SHPK: variants seen among roughly 807,000 people sequenced by gnomAD.
SHPK encodes sedoheptulokinase.
A neutral mutation model predicts 46.3 loss-of-function variants in SHPK; 51 were observed. The ratio of observed to expected loss-of-function variants is 1.10; its 90% CI spans 0.88 to 1.39. The LOEUF (loss-of-function observed/expected upper bound fraction) is 1.39, where lower values mean the gene tolerates loss of function less well. Among genes scored for constraint, SHPK ranks in the 40% most tolerant of loss-of-function variants. SHPK has a pLI of 0.00. For missense variants in SHPK, 668 were observed against 641.3 expected, an observed-to-expected ratio of 1.04 and a Z score of -0.45; for synonymous variants, 290 against 273.9, an observed-to-expected ratio of 1.06 and a Z score of -0.58.
Position 3,615,509 on chromosome 17 carries a change from C to A in SHPK, c.852G>T (p.Leu284=). The stretch of plus-strand genomic sequence containing the variant: ...GGAATCCTGAAGGCATGGAGGCTGC[C>A]AGCTGAACCGAGGTGCTGATGTTGA... The part of the protein sequence containing the change: ...AVLNISTSVQ[L]AASMPSGFQP... Residue 284 remains leucine (L), a synonymous_variant, in exon 6 of 7, where the codon CTG becomes CTT. Coordinates refer to ENST00000225519, the MANE Select transcript of SHPK (RefSeq NM_013276.4). The A allele has an allele frequency of 6.2e-7, 1 of 1,614,192 alleles. No homozygotes were observed. Among genetic ancestry groups the A allele is most frequent in the Non-Finnish European group, 8.5e-7 (1 of 1,180,026 alleles).
At chr17:3,626,721 CA>C (rs59861502) in intron 2 of SHPK, among the ~76,000 whole-genome samples, 10,370 of 106,748 alleles carry the variant, frequency 0.097, 1,243 homozygotes, top group African/African-American at 0.33. Context: ...GACTCCATCT[CA>C]AAAAAAAAAA....
At position 3,610,593 on chromosome 17, in the gene SHPK, C is replaced by T. The variant is rs1374912778; in HGVS notation, c.1404G>A (p.Met468Ile). The change falls in exon 7 of 7, where the codon ATG becomes ATA. Residue 468 changes from methionine (M) to isoleucine (I), a missense_variant. Met to Ile is a conservative substitution (Grantham distance 10, BLOSUM62 1). Coordinates refer to ENST00000225519, the MANE Select transcript of SHPK (RefSeq NM_013276.4). ...VDAAVGAALVMLRRHLNQKES is the reference protein window; with the variant it reads ...VDAAVGAALVILRRHLNQKES ...CCTTCTGGTTGAGGTGTCTCCGGAG[C>T]ATGACCAGAGCTGCCCCGACAGCTG... 1 of 1,609,906 alleles carries T rather than the reference C, an allele frequency of 6.2e-7. No homozygotes were observed. The highest frequency in any genetic ancestry group is 8.5e-7 in the Non-Finnish European group (1 of 1,176,710).
chr17:3,611,139 C>T (rs2075337343), intron 6 of SHPK, among the ~76,000 whole-genome samples, 167 bp from the exon 7 acceptor site: 1 of 152,226 alleles, frequency 6.6e-6, no homozygotes, highest in Admixed American at 6.5e-5. Flanking sequence ...TAGCTACACT[C>T]TGCCCTGGAT....
rs776781800 is a variant in SHPK at position 3,621,412 on chromosome 17, T to C, written c.648A>G (p.Thr216=). The C allele has an allele frequency of 3.1e-6, 5 of 1,613,232 alleles. No homozygotes were observed. The highest frequency in any genetic ancestry group is 4.2e-6 in the Non-Finnish European group (5 of 1,179,608). Residue 216 remains threonine (T), a splice_region_variant and synonymous_variant, in exon 5 of 7, where the codon ACA becomes ACG. Transcript: ENST00000225519. The part of the protein sequence containing the change: ...NTQSQSWNVE[T]LRSSGFPVHL... ...GGACAGGAAAACCCGAGCTCCTCAG[T>C]CTGTAAAACAGAAGTGGACACCCAC...
chr17:3,628,648 G>A (rs773651831), intron 2 of SHPK, among the ~76,000 whole-genome samples: 8 of 151,744 alleles, frequency 5.3e-5, no homozygotes, highest in Non-Finnish European at 1.0e-4. Context: ...AGTTTGATTT[G>A]TTGTTGTCGT....
Position 3,624,091 on chromosome 17 carries a change from TG to T in SHPK, c.450del (p.Thr151ArgfsTer12), listed in dbSNP as rs2075418635. 11 of 1,613,948 alleles carry T rather than the reference TG, an allele frequency of 6.8e-6. No homozygotes were observed. In the East Asian group the frequency reaches 2.5e-4, roughly 36 times the overall value. Reference sequence around the variant, plus strand: ...AAGATGGTTGCACAGCCGAAGCCCGTGGCCACACTGAGATGAGACTTCGGCT... The same window carrying T: ...AAGATGGTTGCACAGCCGAAGCCCGTGCCACACTGAGATGAGACTTCGGCT... ...LPQPKSHLSV[A>X]TGFGCATIFW... On this transcript the variant is annotated frameshift_variant, in exon 3 of 7. Coordinates refer to ENST00000225519, the MANE Select transcript of SHPK (RefSeq NM_013276.4). LOFTEE classifies it high-confidence loss of function.
chr17:3,636,036 CG>C lies in SHPK; in HGVS notation c.168+15del. 3.9e-6 allele frequency: 6 copies of C among 1,530,912 alleles called. No homozygotes were observed. Among genetic ancestry groups the C allele is most frequent in the Non-Finnish European group, 4.4e-6 (5 of 1,143,800 alleles). The allele number at this position is 1,530,912 out of a possible 1,614,324, so 94.8% of individuals were successfully genotyped here. A position where few individuals can be genotyped will look rare whatever the true frequency, so the allele number is the denominator to read the frequency against. On this transcript the variant is annotated intron_variant, in intron 1 of 6. Coordinates refer to ENST00000225519, the MANE Select transcript of SHPK (RefSeq NM_013276.4). ...GAGGCTCCTGGAGGCGGCGCGGCCC[CG>C]GGGGTCCAACTCACCTGGGGCCCGG...
At chr17:3,628,469 C>T (rs1014220901) in intron 2 of SHPK, among the ~76,000 whole-genome samples, 3 of 151,222 alleles carry the variant, frequency 2.0e-5, no homozygotes, top group Non-Finnish European at 4.4e-5. Flanking sequence ...ATTATAGGCA[C>T]ACACCACCAC....
In SHPK at chr17:3,610,240, G is replaced by A; in HGVS notation, c.*320C>T. On this transcript the variant is annotated 3_prime_UTR_variant, in exon 7 of 7. Coordinates refer to ENST00000225519, the MANE Select transcript of SHPK (RefSeq NM_013276.4). ...CACATTGATCTGCTCTCTGTCTACA[G>A]GTGAACCACAGATGAGCCTGCTGAC... The A allele has an allele frequency of 3.3e-6, 1 of 299,672 alleles. No homozygotes were observed. Among genetic ancestry groups the A allele is most frequent in the Non-Finnish European group, 6.4e-6 (1 of 157,126 alleles). 18.6% of individuals were successfully genotyped at this position (299,672 alleles called of 1,614,324 possible).
chr17:3,618,434 T>C (rs890118507), intron 5 of SHPK, among the ~76,000 whole-genome samples: 6 of 152,240 alleles, frequency 3.9e-5, no homozygotes, highest in Admixed American at 3.3e-4. Context: ...TAAATGTACT[T>C]CTTCTATCCA....
At chr17:3,619,144 G>C in intron 5 of SHPK, 1 of 268,718 alleles carries the variant, frequency 3.7e-6, no homozygotes. Flanking sequence ...TTTTTTTTCT[G>C]CCTCTAGAGA....
rs111475678 is a variant in SHPK at position 3,623,346 on chromosome 17, C to T, written c.640G>A (p.Val214Ile). 1.6e-5 allele frequency: 26 copies of T among 1,614,020 alleles called. No homozygotes were observed. The highest frequency in any genetic ancestry group is 1.1e-4 in the African/African-American group (8 of 74,914). The stretch of plus-strand genomic sequence containing the variant: ...CAAGGATGTGATACTCACGTCTCTA[C>T]GTTCCAGCTTTGGCTCTGCGTGTTG... ...YFNTQSQSWN[V>I]ETLRSSGFPV... The change falls in exon 4 of 7, where the codon GTA becomes ATA. Residue 214 changes from valine (V) to isoleucine (I), a missense_variant. Transcript: ENST00000225519.
At position 3,635,982 on chromosome 17, in the gene SHPK, G is replaced by T. The variant is rs541219023; in HGVS notation, c.168+70C>A. Reference sequence around the variant, plus strand: ...TCATTGCGGGAAGGGCTGTCAGGGAGGCCTCCTGGGGTGGAAAAGGGTGGT... The same window carrying T: ...TCATTGCGGGAAGGGCTGTCAGGGATGCCTCCTGGGGTGGAAAAGGGTGGT... On this transcript the variant is annotated intron_variant, in intron 1 of 6. Coordinates refer to ENST00000225519, the MANE Select transcript of SHPK (RefSeq NM_013276.4). 271 of 1,406,022 alleles carry T rather than the reference G, an allele frequency of 1.9e-4. No individual in the cohort carries two copies. In the African/African-American group the frequency reaches 3.4e-3, roughly 18 times the overall value. 87.1% of individuals were successfully genotyped at this position (1,406,022 alleles called of 1,614,324 possible).
chr17:3,627,337 C>T (rs1567685860), intron 2 of SHPK, among the ~76,000 whole-genome samples: 1 of 152,092 alleles, frequency 6.6e-6, no homozygotes. Context: ...ACTAATCACT[C>T]CGTCTCCTCC....
At chr17:3,612,039 A>C (rs1420225268) in intron 6 of SHPK, among the ~76,000 whole-genome samples, 2 of 151,604 alleles carry the variant, frequency 1.3e-5, no homozygotes, top group African/African-American at 4.8e-5. Context: ...CTCGACCTCA[A>C]GTGATCTACC....
intron 6 of SHPK, among the ~76,000 whole-genome samples, chr17:3,611,207 G>C (rs750070902): frequency 3.9e-5 from 6 of 152,198 alleles, no homozygotes; most frequent in Admixed American, 1.3e-4. Flanking sequence ...GTCTCATTAA[G>C]TGCTGCCATG....
intron 6 of SHPK, among the ~76,000 whole-genome samples, chr17:3,613,013 G>A (rs1253964262): frequency 1.3e-5 from 2 of 152,104 alleles, no homozygotes; most frequent in African/African-American, 4.8e-5. Context: ...GCCTCCCAAA[G>A]TGCTGGGATT....
chr17:3,628,580 C>G (rs562311239), intron 2 of SHPK, among the ~76,000 whole-genome samples: 1 of 152,266 alleles, frequency 6.6e-6, no homozygotes. Flanking sequence ...CTCAGCCTCC[C>G]AAAGTGCTGG....
Position 3,608,831 on chromosome 17 carries a change from GCA to G in SHPK, c.*1727_*1728del, listed in dbSNP as rs1378005853. ...AACCAAGCTCTGCGGCTGTGCCATT[GCA>G]CAGTCTTCCCACAGCAGAGAGGTGT... On this transcript the variant is annotated 3_prime_UTR_variant, in exon 7 of 7. Transcript: ENST00000225519. 6.6e-6 allele frequency: 1 copy of G among 152,156 alleles called. No homozygotes were observed. Among genetic ancestry groups the G allele is most frequent in the Non-Finnish European group, 1.5e-5 (1 of 68,018 alleles). 9.4% of individuals were successfully genotyped at this position (152,156 alleles called of 1,614,324 possible).
Sources: allele counts gnomAD v4.1 joint callset (sites outside exome capture counted in the v4.1 genomes callset), GRCh38; gene constraint gnomAD v4.1.1; transcripts MANE v1.5; gene names NCBI Gene and HGNC (gene_info 2026-07-23, HGNC 2026-07-21).